Variants in LPA observed in about 807,000 individuals in gnomAD.
The protein encoded by LPA is lipoprotein(a), also known as apolipoprotein(a).
In LPA, 199 loss-of-function variants were observed where a neutral mutation model predicts 197.9. The observed-to-expected ratio is 1.01, with a 90% confidence interval of 0.90 to 1.13. The LOEUF is 1.13. Among genes scored for constraint, LPA ranks in the 50% most tolerant of loss-of-function variants. The pLI, the probability that LPA is intolerant of heterozygous loss-of-function variation, is 0.00. For missense variants in LPA, 1,853 were observed against 1,785.8 expected (o/e 1.04, Z -0.68); for synonymous variants, 715 against 639.5 (o/e 1.12, Z -1.78).
chr6:160,607,205 A>G (rs1450708170), intron 16 of LPA, among the ~76,000 whole-genome samples: 1 of 151,974 alleles, frequency 6.6e-6, no homozygotes, highest in Non-Finnish European at 1.5e-5. Context: ...AAAAGGCTCT[A>G]CTTTTCCCAT....
At chr6:160,658,216 C>T (rs1017380657) in intron 1 of LPA, among the ~76,000 whole-genome samples, 1 of 152,196 alleles carries the variant, frequency 6.6e-6, no homozygotes, top group Non-Finnish European at 1.5e-5. Context: ...GTGTCCTCAG[C>T]TTCATCAGGG....
intron 16 of LPA, among the ~76,000 whole-genome samples, chr6:160,607,873 G>C (rs1779392483): frequency 6.6e-6 from 1 of 152,012 alleles, no homozygotes; most frequent in Non-Finnish European, 1.5e-5. Flanking sequence ...ATACCTCAGA[G>C]TTCAAAACTT....
chr6:160,593,815 C>G, intron 22 of LPA, 143 bp downstream of exon 22: 2 of 1,025,926 alleles, frequency 1.9e-6, no homozygotes, highest in Non-Finnish European at 3.0e-6. Context: ...GACACTGTGC[C>G]TGAAGAAAGA....
At position 160,540,093 on chromosome 6, in the gene LPA, C is replaced by T. The variant is rs1409217316; in HGVS notation, c.5685G>A (p.Arg1895=). 2 of 1,614,082 alleles carry T rather than the reference C, an allele frequency of 1.2e-6. No individual in the cohort carries two copies. The highest frequency in any genetic ancestry group is 4.5e-5 in the East Asian group (2 of 44,860). Reference sequence around the variant, plus strand: ...CTGCTTGTGTGGGCTCCAAGAACAGCCTAGACACTTCTATTTCCTGAACAT... The same window carrying T: ...CTGCTTGTGTGGGCTCCAAGAACAGTCTAGACACTTCTATTTCCTGAACAT... The part of the protein sequence containing the change: ...ESHVQEIEVS[R]LFLEPTQADI... The change falls in exon 36 of 39, where the codon AGG becomes AGA. Residue 1895 remains arginine (R), a synonymous_variant. Coordinates refer to ENST00000316300, the MANE Select transcript of LPA (RefSeq NM_005577.4).
chr6:160,558,413 G>T (rs1778306168), intron 28 of LPA, among the ~76,000 whole-genome samples: 1 of 152,114 alleles, frequency 6.6e-6, no homozygotes, highest in East Asian at 1.9e-4. Context: ...TCTACTTTTA[G>T]AGTGAAAAGC....
intron 17 of LPA, among the ~76,000 whole-genome samples, chr6:160,605,678 A>C (rs764225909): frequency 3.9e-5 from 6 of 152,120 alleles, no homozygotes; most frequent in Non-Finnish European, 8.8e-5. Context: ...TTCATAACAA[A>C]AGGCAAGGTC....
chr6:160,561,470 T>A (rs1778360757), intron 28 of LPA, among the ~76,000 whole-genome samples: 1 of 152,256 alleles, frequency 6.6e-6, no homozygotes, highest in Non-Finnish European at 1.5e-5. Flanking sequence ...TTTTTGTTAC[T>A]GTAGCCTTGT....
intron 28 of LPA, among the ~76,000 whole-genome samples, chr6:160,567,615 G>T (rs903828081): frequency 3.9e-5 from 6 of 152,110 alleles, no homozygotes; most frequent in Admixed American, 6.5e-5. Flanking sequence ...ACATTAAAAA[G>T]CTAGCAGAAG....
At position 160,577,312 on chromosome 6, in the gene LPA, A is replaced by G; in HGVS notation, c.4472-17T>C. On this transcript the variant is annotated splice_polypyrimidine_tract_variant and intron_variant, in intron 27 of 38. Coordinates refer to ENST00000316300, the MANE Select transcript of LPA (RefSeq NM_005577.4). ...CAGGTGGTGCTGAAATTAAAATAAA[A>G]TAAATCATACTCAGTAATTGCATGA... 6 of 1,612,630 alleles carry G rather than the reference A, an allele frequency of 3.7e-6. No homozygotes were observed. Among genetic ancestry groups the G allele is most frequent in the Non-Finnish European group, 5.1e-6 (6 of 1,178,802 alleles).
Position 160,538,102 on chromosome 6 carries a change from A to G in LPA, c.5736-141T>C, listed in dbSNP as rs1419601365. 5 of 715,228 alleles carry G rather than the reference A, an allele frequency of 7.0e-6. No individual in the cohort carries two copies. In the East Asian group the frequency reaches 1.4e-4, roughly 19 times the overall value. The allele number at this position is 715,228 out of a possible 1,614,324, so 44.3% of individuals were successfully genotyped here. ...TCACTGACACAGAACAATGTAGAAC[A>G]CAGCGTTTCACCCTCACATTTGCCT... On this transcript the variant is annotated intron_variant, in intron 36 of 38. Coordinates refer to ENST00000316300, the MANE Select transcript of LPA (RefSeq NM_005577.4).
intron 17 of LPA, 35 bp downstream of exon 17, chr6:160,606,442 C>A: frequency 6.2e-7 from 1 of 1,609,796 alleles, no homozygotes; most frequent in South Asian, 1.1e-5. Context: ...ATCCCAGCAT[C>A]GAAACGTGTA....
chr6:160,578,665 C>A lies in LPA; in HGVS notation c.4329G>T (p.Glu1443Asp). The A allele has an allele frequency of 6.2e-7, 1 of 1,613,962 alleles. No homozygotes were observed. Reference sequence around the variant, plus strand: ...CCATGGTGTAACACCAAGGGCGAATCTCAGCATCTGGATTCCTGCAGTAGT... The same window carrying A: ...CCATGGTGTAACACCAAGGGCGAATATCAGCATCTGGATTCCTGCAGTAGT... ...TRNYCRNPDAEIRPWCYTMDP... is the reference protein window; with the variant it reads ...TRNYCRNPDADIRPWCYTMDP... Residue 1443 changes from glutamate to aspartate, a missense_variant, in exon 27 of 39, where the codon GAG becomes GAT. Transcript: ENST00000316300.
Position 160,540,157 on chromosome 6 carries a change from A to G in LPA, c.5621T>C (p.Val1874Ala), listed in dbSNP as rs750870384. ...CACTTCTTGGTGTGCACCCAGGATG[A>G]CCTTGTAGGATGAAGGCCTTGAGGA... ...KKSSRPSSYKVILGAHQEVNL... is the reference protein window; with the variant it reads ...KKSSRPSSYKAILGAHQEVNL... The change falls in exon 36 of 39, where the codon GTC becomes GCC. Residue 1874 changes from valine to alanine, a missense_variant. Around this residue, in one of 3 missense-constraint regions of LPA, gnomAD observed 1,737 missense variants for 1,504.4 expected, o/e 1.15. Coordinates refer to ENST00000316300, the MANE Select transcript of LPA (RefSeq NM_005577.4). The G allele has an allele frequency of 3.7e-6, 6 of 1,614,020 alleles. No homozygotes were observed. The highest frequency in any genetic ancestry group is 5.1e-6 in the Non-Finnish European group (6 of 1,180,034).
At chr6:160,600,834 CTG>C in intron 19 of LPA, 81 bp downstream of exon 19, 4 of 1,467,862 alleles carry the variant, frequency 2.7e-6, no homozygotes, top group Non-Finnish European at 3.8e-6. Context: ...CAGTGTAGCA[CTG>C]AAGGGTTGTG....
At chr6:160,610,975 T>A (rs943384933) in intron 16 of LPA, among the ~76,000 whole-genome samples, 4 of 152,150 alleles carry the variant, frequency 2.6e-5, no homozygotes, top group Admixed American at 1.3e-4. Context: ...TACCCATCCC[T>A]TTTACTTTTC....
At chr6:160,559,519 A>C (rs920967770) in intron 28 of LPA, among the ~76,000 whole-genome samples, 1 of 152,240 alleles carries the variant, frequency 6.6e-6, no homozygotes, top group African/African-American at 2.4e-5. Flanking sequence ...TTTCCTTGGG[A>C]TAAAGATTCA....
At chr6:160,537,637 C>CA (rs1207838636) in intron 37 of LPA, among the ~76,000 whole-genome samples, 1 of 151,982 alleles carries the variant, frequency 6.6e-6, no homozygotes, top group African/African-American at 2.4e-5. Flanking sequence ...ATTCTGAAAA[C>CA]AAAAAAGAGA....
intron 33 of LPA, among the ~76,000 whole-genome samples, chr6:160,544,112 C>T (rs1778025993): frequency 6.6e-6 from 1 of 152,338 alleles, no homozygotes; most frequent in East Asian, 1.9e-4. Context: ...ACCTGGGAAG[C>T]TACTGCACTT....
chr6:160,578,838 G>T (rs533555639), intron 26 of LPA, 134 bp from the exon 27 acceptor site: 3 of 1,285,602 alleles, frequency 2.3e-6, no homozygotes, highest in East Asian at 4.9e-5. Context: ...CAATAATATT[G>T]CCACAAGCAC....
Sources: allele counts gnomAD v4.1 joint callset (sites outside exome capture counted in the v4.1 genomes callset), GRCh38; gene constraint gnomAD v4.1.1; regional missense constraint gnomAD v4.1.1; transcripts MANE v1.5; gene names NCBI Gene and HGNC (gene_info 2026-07-23, HGNC 2026-07-21).